The following WWOX variants were observed in gnomAD, a reference collection of about 807,000 sequenced individuals.
WWOX encodes the protein WW domain-containing oxidoreductase.
In WWOX, 69 loss-of-function variants were observed where a neutral mutation model predicts 46.2. The ratio of observed to expected loss-of-function variants is 1.49; its 90% CI spans 1.23 to 1.82. The LOEUF (loss-of-function observed/expected upper bound fraction) is 1.82. Among genes scored for constraint, WWOX ranks in the 40% most tolerant of loss-of-function variants. The pLI, the probability that WWOX is intolerant of heterozygous loss-of-function variation, is 0.00. For missense variants in WWOX, 919 were observed against 542.6 expected (o/e 1.69, Z -6.89); for synonymous variants, 359 against 202.6 (o/e 1.77, Z -6.56).
chr16:78,774,203 C>T (rs1468791407), intron 8 of WWOX, among the ~76,000 whole-genome samples: 1 of 152,096 alleles, frequency 6.6e-6, no homozygotes, highest in African/African-American at 2.4e-5. Context: ...GAGATGGAGA[C>T]CATCCTGGCC....
intron 8 of WWOX, among the ~76,000 whole-genome samples, chr16:78,574,067 C>G (rs1390490716): frequency 1.3e-5 from 2 of 152,208 alleles, no homozygotes; most frequent in East Asian, 3.8e-4. Flanking sequence ...AGCTTTTTGA[C>G]TCGGCCTGGC....
At chr16:78,243,878 C>T (rs1478598144) in intron 5 of WWOX, among the ~76,000 whole-genome samples, 1 of 152,208 alleles carries the variant, frequency 6.6e-6, no homozygotes, top group Non-Finnish European at 1.5e-5. Context: ...CATGTGTACT[C>T]AATGCTCAGT....
chr16:78,547,919 A>G (rs760059800), intron 8 of WWOX, among the ~76,000 whole-genome samples: 11 of 152,112 alleles, frequency 7.2e-5, no homozygotes, highest in Non-Finnish European at 1.3e-4. Flanking sequence ...TGGGAGGCTG[A>G]GATGGGCAGA....
chr16:78,873,994 G>T (rs1176063556), intron 8 of WWOX, among the ~76,000 whole-genome samples: 2 of 151,628 alleles, frequency 1.3e-5, no homozygotes, highest in African/African-American at 4.8e-5. Context: ...GAGCACGGTG[G>T]CTCATGCCTG....
At chr16:78,878,713 C>G (rs1348678104) in intron 8 of WWOX, among the ~76,000 whole-genome samples, 44 of 151,954 alleles carry the variant, frequency 2.9e-4, no homozygotes, top group Non-Finnish European at 4.4e-5. Context: ...CCCTGCAACA[C>G]CCAGTAGTCT....
intron 8 of WWOX, among the ~76,000 whole-genome samples, chr16:78,580,957 C>T (rs921800867): frequency 5.3e-5 from 8 of 152,048 alleles, no homozygotes; most frequent in African/African-American, 1.4e-4. Context: ...GTGAACCCTT[C>T]GCAAAGAGTA....
rs372289054 is a variant in WWOX at position 78,186,331 on chromosome 16, C to T, written c.516+22042C>T. ...AGACATTGCCGACCTAGAGGGTAAC[C>T]ACTGGAGAGGAAAAAAGTACAATTT... On this transcript the variant is annotated intron_variant, in intron 5 of 8. Coordinates refer to ENST00000566780, the MANE Select transcript of WWOX (RefSeq NM_016373.4). 5.9e-5 allele frequency among the ~76,000 whole-genome samples: 9 copies of T among 151,800 alleles called. No homozygotes were observed. The South Asian group carries it at 1.7e-3, about 28-fold the overall frequency.
rs199875755 is a variant in WWOX, at chr16:78,887,281, GTGGATTTCTCC to G, written c.1057-324324_1057-324314del. Among the ~76,000 whole-genome samples the G allele has an allele frequency of 2.3e-3, 347 of 152,008 alleles. 1 individual carries two copies. Among genetic ancestry groups the G allele is most frequent in the African/African-American group, 8.0e-3 (333 of 41,462 alleles). On this transcript the variant is annotated intron_variant, in intron 8 of 8. Transcript: ENST00000566780. ...ATTTCATTATACCAGCAATTCCCCT[GTGGATTTCTCC>G]TGACTCTCTATGCAGCCCAACTCTA...
At chr16:79,127,934 C>A (rs551534159) in intron 8 of WWOX, among the ~76,000 whole-genome samples, 1 of 152,216 alleles carries the variant, frequency 6.6e-6, no homozygotes, top group Admixed American at 6.5e-5. Context: ...GTACAACTTG[C>A]AGTAGTCCAC....
intron 8 of WWOX, among the ~76,000 whole-genome samples, chr16:79,202,405 G>A (rs1001636208): frequency 1.3e-5 from 2 of 152,130 alleles, no homozygotes; most frequent in East Asian, 1.9e-4. Context: ...ATTACATTCC[G>A]TCGAGATTCT....
At chr16:78,582,955 A>T (rs370360816) in intron 8 of WWOX, among the ~76,000 whole-genome samples, 1 of 152,234 alleles carries the variant, frequency 6.6e-6, no homozygotes, top group East Asian at 1.9e-4. Context: ...GGGGCATCAC[A>T]GTCTCATGAC....
Position 78,144,450 on chromosome 16 carries a change from C to CTATAT in WWOX, c.410-19733_410-19732insTATAT, listed in dbSNP as rs1555543046. ...ATTACTATATATATATATATATACA[C>CTATAT]ATATATATATATACACACATATATA... On this transcript the variant is annotated intron_variant, in intron 4 of 8. Coordinates refer to ENST00000566780, the MANE Select transcript of WWOX (RefSeq NM_016373.4). 1.6e-4 allele frequency among the ~76,000 whole-genome samples: 4 copies of CTATAT among 24,926 alleles called. 2 individuals are homozygous for CTATAT. Among genetic ancestry groups the CTATAT allele is most frequent in the African/African-American group, 4.8e-4 (4 of 8,296 alleles). The allele number at this position is 24,926 out of a possible 152,430, so 16.4% of individuals were successfully genotyped here.
intron 8 of WWOX, among the ~76,000 whole-genome samples, chr16:78,819,224 G>C (rs186998073): frequency 3.3e-5 from 5 of 152,284 alleles, no homozygotes; most frequent in Non-Finnish European, 7.4e-5. Context: ...CAGCAGGCCA[G>C]TTGTCTTCAG....
At chr16:79,067,362 G>A (rs146252584) in intron 8 of WWOX, among the ~76,000 whole-genome samples, 59 of 152,082 alleles carry the variant, frequency 3.9e-4, no homozygotes, top group African/African-American at 1.4e-3. Context: ...GTCTGCTCTC[G>A]CTCTCTCTCT....
At chr16:78,848,283 ATGT>A (rs1388340758) in intron 8 of WWOX, among the ~76,000 whole-genome samples, 3 of 151,612 alleles carry the variant, frequency 2.0e-5, no homozygotes, top group Admixed American at 6.6e-5. Flanking sequence ...TTCGTTGTTG[ATGT>A]TGTTGTTAAT....
intron 8 of WWOX, among the ~76,000 whole-genome samples, chr16:79,051,532 C>T (rs965959517): frequency 7.1e-6 from 1 of 140,758 alleles, no homozygotes; most frequent in Non-Finnish European, 1.5e-5. Context: ...ACCATGGCTG[C>T]CTGCAAGGGA....
At chr16:78,358,503 C>T (rs559700155) in intron 5 of WWOX, among the ~76,000 whole-genome samples, 35 of 151,980 alleles carry the variant, frequency 2.3e-4, no homozygotes, top group Admixed American at 2.3e-3. Flanking sequence ...ACTAAAAATA[C>T]AAAAATTAGC....
intron 8 of WWOX, among the ~76,000 whole-genome samples, chr16:78,820,072 G>T (rs1477595582): frequency 6.6e-6 from 1 of 152,048 alleles, no homozygotes; most frequent in African/African-American, 2.4e-5. Context: ...TACTGTCATC[G>T]TTATCATTCC....
intron 8 of WWOX, among the ~76,000 whole-genome samples, chr16:79,192,317 AT>A (rs2051152594): frequency 1.8e-5 from 1 of 54,680 alleles, no homozygotes; most frequent in East Asian, 4.7e-4. Context: ...TCATTCATTC[AT>A]TCATTCATTC....
Sources: allele counts gnomAD v4.1 joint callset (sites outside exome capture counted in the v4.1 genomes callset), GRCh38; gene constraint gnomAD v4.1.1; transcripts MANE v1.5; gene names NCBI Gene and HGNC (gene_info 2026-07-23, HGNC 2026-07-21).